The following IPO8 variants were observed in gnomAD, a reference collection of about 807,000 sequenced individuals.
IPO8 encodes importin 8.
IPO8 carries 65 observed loss-of-function variants against 141.2 expected under a neutral mutation model. The observed-to-expected ratio is 0.46, with a 90% CI of 0.38 to 0.57. The LOEUF is 0.57. IPO8 is among the 20% of genes least tolerant of loss of function. IPO8 has a pLI of 0.00. For missense variants in IPO8, 980 were observed against 1,246.8 expected (o/e 0.79, Z 3.22); for synonymous variants, 411 against 420.3 (o/e 0.98, Z 0.27).
At position 30,665,993 on chromosome 12, in the gene IPO8, T is replaced by C. The variant is rs866428045; in HGVS notation, c.1222-148A>G. ...AGCTCAATAAGAAAAGTATAATTTA[T>C]TAAGAAAACGAAATAACCATGATAC... On this transcript the variant is annotated intron_variant, in intron 11 of 24. Coordinates refer to ENST00000256079, the MANE Select transcript of IPO8 (RefSeq NM_006390.4). 11 of 671,252 alleles carry C rather than the reference T, an allele frequency of 1.6e-5. No homozygotes were observed. The Middle Eastern group carries it at 3.2e-3, about 197-fold the overall frequency. 41.6% of individuals were successfully genotyped at this position (671,252 alleles called of 1,614,324 possible).
intron 16 of IPO8, among the ~76,000 whole-genome samples, chr12:30,657,655 A>G (rs1050422925): frequency 2.0e-5 from 3 of 152,232 alleles, no homozygotes; most frequent in African/African-American, 7.2e-5. Context: ...AGAGACAGTT[A>G]AATTATATCC....
chr12:30,665,901 G>T, intron 11 of IPO8, 56 bp from the exon 12 acceptor site: 1 of 1,154,464 alleles, frequency 8.7e-7, no homozygotes, highest in Non-Finnish European at 1.3e-6. Context: ...TCTTACTATA[G>T]TATTAACTAT....
At chr12:30,662,553 T>C in intron 14 of IPO8, 66 bp from the exon 15 acceptor site, 1 of 1,302,192 alleles carries the variant, frequency 7.7e-7, no homozygotes, top group Non-Finnish European at 1.1e-6. Context: ...GGAATTAACT[T>C]GGTCACAAGG....
rs376917207 is a variant in IPO8 at position 30,653,035 on chromosome 12, G to A, written c.2006C>T (p.Pro669Leu). Residue 669 changes from proline to leucine, a missense_variant, in exon 18 of 25, where the codon CCT (proline) becomes CTT (leucine). Pro to Leu is a moderately conservative substitution (Grantham distance 98, BLOSUM62 -3). This residue lies in a region of IPO8 where 924 missense variants were observed against 1,153.9 expected (regional missense o/e 0.80). Coordinates refer to ENST00000256079, the MANE Select transcript of IPO8 (RefSeq NM_006390.4). ...AYSLTCHSISPQMWQLLGILY... is the reference protein window; with the variant it reads ...AYSLTCHSISLQMWQLLGILY... ...TATACCTAGAAGCTGCCACATTTGA[G>A]GGGAAATACTGTGGCAGGTTAAACT... 6.2e-7 allele frequency: 1 copy of A among 1,611,266 alleles called. No individual in the cohort carries two copies. The highest frequency in any genetic ancestry group is 1.3e-5 in the African/African-American group (1 of 74,800).
intron 17 of IPO8, among the ~76,000 whole-genome samples, chr12:30,656,264 C>G (rs1484327485): frequency 1.3e-5 from 2 of 152,122 alleles, no homozygotes; most frequent in African/African-American, 2.4e-5. Flanking sequence ...TCTTGAACTT[C>G]TGGACTCAAG....
intron 20 of IPO8, among the ~76,000 whole-genome samples, chr12:30,641,754 T>C (rs1031643100): frequency 8.5e-5 from 13 of 152,174 alleles, no homozygotes; most frequent in Non-Finnish European, 1.0e-4. Flanking sequence ...ATAATGTTGG[T>C]ATAATTAGTC....
At position 30,674,713 on chromosome 12, in the gene IPO8, A is replaced by G. The variant is rs2053095693; in HGVS notation, c.770T>C (p.Val257Ala). 6.2e-7 allele frequency: 1 copy of G among 1,613,704 alleles called. No individual in the cohort carries two copies. The highest frequency in any genetic ancestry group is 2.2e-5 in the East Asian group (1 of 44,822). Residue 257 changes from valine to alanine, a missense_variant, in exon 7 of 25, where the codon GTA becomes GCA. Val to Ala is a moderately conservative substitution (Grantham distance 64). Around this residue, in one of 3 missense-constraint regions of IPO8, gnomAD observed 924 missense variants for 1,153.9 expected, o/e 0.80. Coordinates refer to ENST00000256079, the MANE Select transcript of IPO8 (RefSeq NM_006390.4). ...HIDEDDRPEL[V>A]WWKCKKWALH... is the part of the protein sequence containing the mutation. ...TGCCCACTTCTTACACTTCCACCAT[A>G]CCAGTTCTGGTCTATCATCCTCATC...
At chr12:30,644,638 GTGTTTTTTTTTTT>G (rs1173873723) in intron 20 of IPO8, among the ~76,000 whole-genome samples, 31 of 94,738 alleles carry the variant, frequency 3.3e-4, no homozygotes, top group Admixed American at 2.1e-3. Flanking sequence ...TTGCTTTTTG[GTGTTTTTTTTTTT>G]TGTTTTTTTT....
intron 9 of IPO8, among the ~76,000 whole-genome samples, chr12:30,670,594 C>T (rs1415641443): frequency 6.6e-6 from 1 of 152,130 alleles, no homozygotes; most frequent in Non-Finnish European, 1.5e-5. Context: ...ATAACACTAC[C>T]TTAGTAGAGC....
At chr12:30,677,528 G>C (rs1227775450) in intron 5 of IPO8, among the ~76,000 whole-genome samples, 1 of 151,484 alleles carries the variant, frequency 6.6e-6, no homozygotes, top group Non-Finnish European at 1.5e-5. Context: ...CCTCTGGTAG[G>C]TCTTTCAGGA....
At chr12:30,647,041 A>C (rs1056594867) in intron 20 of IPO8, among the ~76,000 whole-genome samples, 1 of 152,210 alleles carries the variant, frequency 6.6e-6, no homozygotes, top group Non-Finnish European at 1.5e-5. Flanking sequence ...TACAGGACTC[A>C]AACCTCCTGA....
chr12:30,640,960 T>C (rs1467462057), intron 20 of IPO8, among the ~76,000 whole-genome samples: 1 of 152,230 alleles, frequency 6.6e-6, no homozygotes, highest in Non-Finnish European at 1.5e-5. Context: ...CTATGTATTC[T>C]ATAAACATAC....
chr12:30,663,328 G>C (rs919302097), intron 14 of IPO8, among the ~76,000 whole-genome samples, 161 bp downstream of exon 14: 4 of 152,076 alleles, frequency 2.6e-5, no homozygotes, highest in African/African-American at 9.7e-5. Flanking sequence ...CAGTCAATAG[G>C]AACACCTAAA....
intron 22 of IPO8, 86 bp from the exon 23 acceptor site, chr12:30,634,372 A>T: frequency 9.2e-7 from 1 of 1,083,334 alleles, no homozygotes; most frequent in Non-Finnish European, 1.3e-6. Context: ...AGACTATAAA[A>T]CTACACTCTG....
chr12:30,674,129 T>G, intron 7 of IPO8, 55 bp from the exon 8 acceptor site: 10 of 1,080,110 alleles, frequency 9.3e-6, no homozygotes, highest in African/African-American at 1.6e-5. Flanking sequence ...AACAGCATGC[T>G]TGCTAATAAT....
chr12:30,676,642 C>T, intron 5 of IPO8, 55 bp from the exon 6 acceptor site: 1 of 1,269,378 alleles, frequency 7.9e-7, no homozygotes, highest in Non-Finnish European at 1.2e-6. Flanking sequence ...AAAAAATCAG[C>T]AATTTTATCT....
intron 20 of IPO8, among the ~76,000 whole-genome samples, chr12:30,646,108 C>CT (rs1413289477): frequency 6.6e-6 from 1 of 152,088 alleles, no homozygotes; most frequent in African/African-American, 2.4e-5. Context: ...CACAAAAATA[C>CT]TTTTTAAAAA....
In IPO8 at chr12:30,676,557, G is replaced by C. The variant is rs2053122927; in HGVS notation, c.670C>G (p.Gln224Glu). 7 of 1,612,928 alleles carry C rather than the reference G, an allele frequency of 4.3e-6. No individual in the cohort carries two copies. The highest frequency in any genetic ancestry group is 1.1e-5 in the South Asian group (1 of 91,048). ...YALPLQLVNNQTMTTWMEIFR... is the reference protein window; with the variant it reads ...YALPLQLVNNETMTTWMEIFR... ...ATCTCCATCCATGTTGTCATGGTTT[G>C]GTTATTCACTAGCTGAAGAGGCAAT... is the stretch of plus-strand genomic sequence containing the variant. The change falls in exon 6 of 25, where the codon CAA becomes GAA. Residue 224 changes from glutamine (Q) to glutamate (E), a missense_variant. Gln to Glu is a conservative substitution (Grantham distance 29). Coordinates refer to ENST00000256079, the MANE Select transcript of IPO8 (RefSeq NM_006390.4).
At chr12:30,693,084 C>T (rs1259202998) in intron 1 of IPO8, among the ~76,000 whole-genome samples, 3 of 152,134 alleles carry the variant, frequency 2.0e-5, no homozygotes, top group Non-Finnish European at 4.4e-5. Flanking sequence ...GATTCAAAAG[C>T]TTGGCAATCA....
Sources: gnomAD v4.1 joint callset for allele counts (sites outside exome capture counted in the v4.1 genomes callset) on GRCh38, gnomAD v4.1.1 for gene constraint, gnomAD v4.1.1 regional missense constraint, MANE v1.5 for transcripts, NCBI Gene and HGNC (gene_info 2026-07-23, HGNC 2026-07-21) for gene names.